Variants in SAFB2 observed in about 807,000 individuals in gnomAD.
SAFB2 encodes scaffold attachment factor B2.
Under a neutral mutation model 100.6 loss-of-function variants are expected in SAFB2, and 32 were observed. The observed-to-expected ratio is 0.32, with a 90% confidence interval of 0.24 to 0.43. The LOEUF is 0.43. Among genes scored for constraint, SAFB2 ranks in the 20% least tolerant of loss-of-function variants. SAFB2 has a pLI of 1.00. For synonymous variants in SAFB2, 500 were observed against 439.4 expected, an observed-to-expected ratio of 1.14 and a Z score of -1.72; for missense variants, 1,185 against 1,163.4, an observed-to-expected ratio of 1.02 and a Z score of -0.27.
chr19:5,613,818 C>T (rs2052963743), intron 4 of SAFB2: 1 of 781,238 alleles, frequency 1.3e-6, no homozygotes, highest in South Asian at 5.8e-5. Context: ...GTGATTACCA[C>T]ATACCCCTCC....
intron 4 of SAFB2, chr19:5,613,850 G>T: frequency 1.7e-6 from 1 of 586,708 alleles, no homozygotes. Flanking sequence ...TTCCAAAGCA[G>T]AACTCAAAAT....
At chr19:5,589,817 A>G (rs1441064747) in intron 18 of SAFB2, among the ~76,000 whole-genome samples, 1 of 152,032 alleles carries the variant, frequency 6.6e-6, no homozygotes, top group Non-Finnish European at 1.5e-5. Context: ...GGTCCTCCTA[A>G]GTGATTCTAA....
At chr19:5,589,077 G>A (rs1350443832) in intron 18 of SAFB2, 2 of 152,254 alleles carry the variant, frequency 1.3e-5, no homozygotes, top group Non-Finnish European at 2.9e-5. Context: ...CCCGAGAGGG[G>A]CCACCAGAGC....
In SAFB2 at chr19:5,590,425, G is replaced by A; in HGVS notation, c.2395-17C>T. The stretch of plus-strand genomic sequence containing the variant: ...TCCATAGTGCTGGAAGGCAGGAGAG[G>A]AACAGGGTGACACTGACCATGTCAC... On this transcript the variant is annotated splice_polypyrimidine_tract_variant and intron_variant, in intron 17 of 20. Transcript: ENST00000252542. 2.5e-6 allele frequency: 4 copies of A among 1,598,838 alleles called. No homozygotes were observed. The South Asian group carries it at 4.5e-5, about 18-fold the overall frequency.
rs1433581254 is a variant in SAFB2, at chr19:5,587,915, C to T, written c.2591G>A (p.Gly864Asp). The T allele has an allele frequency of 6.2e-7, 1 of 1,612,776 alleles. No individual in the cohort carries two copies. Among genetic ancestry groups the T allele is most frequent in the South Asian group, 1.1e-5 (1 of 90,992 alleles). The part of the protein sequence containing the change: ...LEEHQARAWQ[G>D]AMDAGAASRE... ...GCTAGCCGCGCCTGCGTCCATGGCA[C>T]CCTGCCAGGCGCGTGCCTGGTGCTC... Residue 864 changes from glycine to aspartate, a missense_variant, in exon 19 of 21, where the codon GGT becomes GAT. Coordinates refer to ENST00000252542, the MANE Select transcript of SAFB2 (RefSeq NM_014649.3). The surrounding 1 kb of genome is among the most constrained non-coding windows in gnomAD (Gnocchi z 4.9).
intron 2 of SAFB2, among the ~76,000 whole-genome samples, chr19:5,620,318 T>C (rs2053114851): frequency 6.6e-6 from 1 of 152,230 alleles, no homozygotes; most frequent in Admixed American, 6.5e-5. Flanking sequence ...TTCTACTTTC[T>C]AAGCACTGAT....
intron 18 of SAFB2, among the ~76,000 whole-genome samples, chr19:5,590,026 G>A (rs940928729): frequency 1.8e-4 from 27 of 152,158 alleles, no homozygotes; most frequent in African/African-American, 6.3e-4. Flanking sequence ...AACTGCAGGC[G>A]ACCCCCAGCT....
In SAFB2 at chr19:5,587,971, A is replaced by ACGG; in HGVS notation, c.2532_2534dup (p.Arg845dup). On this transcript the variant is annotated inframe_insertion, in exon 19 of 21. Coordinates refer to ENST00000252542, the MANE Select transcript of SAFB2 (RefSeq NM_014649.3). This position sits in a 1 kb window ranked among gnomAD's most constrained non-coding sequence, Gnocchi z 4.9. ...GCCGCTGGTTGTGCTCTCCCCAGTC[A>ACGG]CGGCCACCCCTTTGCCAAAAGAAAA... The ACGG allele has an allele frequency of 6.2e-7, 1 of 1,611,804 alleles. No individual in the cohort carries two copies. Among genetic ancestry groups the ACGG allele is most frequent in the Non-Finnish European group, 8.5e-7 (1 of 1,179,320 alleles).
chr19:5,613,456 G>A lies in SAFB2; in HGVS notation c.606+9C>T, dbSNP rs772541045. The A allele has an allele frequency of 6.2e-7, 1 of 1,610,608 alleles. No homozygotes were observed. Among genetic ancestry groups the A allele is most frequent in the Non-Finnish European group, 8.5e-7 (1 of 1,177,246 alleles). ...ATTTCCAGCGATGCAGAACCAGATG[G>A]TAACTTACCGGAGTTACTTTGAAGT... On this transcript the variant is annotated intron_variant, in intron 5 of 20. Transcript: ENST00000252542.
intron 11 of SAFB2, among the ~76,000 whole-genome samples, chr19:5,604,226 C>T (rs1483903578): frequency 6.6e-6 from 1 of 152,154 alleles, no homozygotes; most frequent in Non-Finnish European, 1.5e-5. Context: ...GCCTTGGTAA[C>T]ATGGCGAAAC....
chr19:5,616,324 T>C lies in SAFB2; in HGVS notation c.351A>G (p.Glu117=), dbSNP rs1253261888. 1 of 1,614,050 alleles carries C rather than the reference T, an allele frequency of 6.2e-7. No homozygotes were observed. Among genetic ancestry groups the C allele is most frequent in the African/African-American group, 1.3e-5 (1 of 74,922 alleles). ...TATTCTGCAGGTTCTCCAGACTTGCTTCCATGTCCTCCTGTAAAGAGGAAG... is the reference window on the plus strand; with the variant it reads ...TATTCTGCAGGTTCTCCAGACTTGCCTCCATGTCCTCCTGTAAAGAGGAAG... The part of the protein sequence containing the change: ...DDSRDGQEDM[E]ASLENLQNMG... The change falls in exon 4 of 21, where the codon GAA becomes GAG. Residue 117 remains glutamate, a synonymous_variant. Coordinates refer to ENST00000252542, the MANE Select transcript of SAFB2 (RefSeq NM_014649.3).
At chr19:5,603,129 G>C (rs1156738562) in intron 11 of SAFB2, among the ~76,000 whole-genome samples, 1 of 152,160 alleles carries the variant, frequency 6.6e-6, no homozygotes, top group Non-Finnish European at 1.5e-5. Context: ...TTACCTGGGA[G>C]TGGTAGCCCA....
rs542020298 is a variant in SAFB2, at chr19:5,616,098, T to C, written c.543+34A>G. The C allele has an allele frequency of 4.4e-6, 7 of 1,606,978 alleles. No homozygotes were observed. The South Asian group carries it at 5.5e-5, about 13-fold the overall frequency. On this transcript the variant is annotated intron_variant, in intron 4 of 20. Coordinates refer to ENST00000252542, the MANE Select transcript of SAFB2 (RefSeq NM_014649.3). The stretch of plus-strand genomic sequence containing the variant: ...GCGAGCACCAGGTGCCTCGGGGCTA[T>C]GGGCACATCCTGCCGTGTCTCCAAG...
At chr19:5,588,680 C>T (rs1438743745) in intron 18 of SAFB2, among the ~76,000 whole-genome samples, 1 of 152,022 alleles carries the variant, frequency 6.6e-6, no homozygotes, top group Non-Finnish European at 1.5e-5. Flanking sequence ...ACGGCAAATC[C>T]AGAGCCAGAA....
chr19:5,616,453 T>A lies in SAFB2; in HGVS notation c.308A>T (p.Asn103Ile). 1 of 1,614,068 alleles carries A rather than the reference T, an allele frequency of 6.2e-7. No homozygotes were observed. Among genetic ancestry groups the A allele is most frequent in the South Asian group, 1.1e-5 (1 of 91,072 alleles). ...LKMEEEGTED[N>I]GLEDDSRDGQ... is the part of the protein sequence containing the mutation. ...GTCTCTGGAATCGTCTTCCAGGCCA[T>A]TATCTTCTGTGCCTTCCTCCTCCAT... The change falls in exon 3 of 21, where the codon AAT (asparagine) becomes ATT (isoleucine). Residue 103 changes from asparagine to isoleucine, a missense_variant. Physicochemically the swap from Asn to Ile is moderately radical, Grantham distance 149 (BLOSUM62 -3). This residue lies in a region of SAFB2 where 351 missense variants were observed against 341.2 expected (regional missense o/e 1.03). Coordinates refer to ENST00000252542, the MANE Select transcript of SAFB2 (RefSeq NM_014649.3).
intron 13 of SAFB2, among the ~76,000 whole-genome samples, chr19:5,598,112 G>A (rs996146418): frequency 2.1e-5 from 3 of 143,578 alleles, no homozygotes; most frequent in African/African-American, 7.9e-5. Flanking sequence ...TCCAGCCTGA[G>A]TGACACAGCA....
Position 5,594,090 on chromosome 19 carries a change from G to A in SAFB2, c.2008C>T (p.Leu670Phe). 1.3e-6 allele frequency: 2 copies of A among 1,598,550 alleles called. No homozygotes were observed. Among genetic ancestry groups the A allele is most frequent in the Non-Finnish European group, 1.7e-6 (2 of 1,177,208 alleles). ...KARLQRERLQ[L>F]ECQRQRLERE... ...TCCAGCCGCTGGCGCTGGCACTCGA[G>A]CTGCAGGCGTTCCCGCTGTAGCCGG... Residue 670 changes from leucine to phenylalanine, a missense_variant, in exon 15 of 21, where the codon CTC becomes TTC. Around this residue, in one of 3 missense-constraint regions of SAFB2, gnomAD observed 740 missense variants for 687.1 expected, o/e 1.08. Transcript: ENST00000252542.
intron 15 of SAFB2, chr19:5,593,637 G>A (rs2052465174): frequency 4.5e-6 from 2 of 440,276 alleles, no homozygotes; most frequent in Non-Finnish European, 4.0e-6. Flanking sequence ...AAACCCTTCA[G>A]CAAGTGGCAG....
intron 1 of SAFB2, among the ~76,000 whole-genome samples, chr19:5,622,254 G>A (rs1049054960): frequency 1.1e-4 from 17 of 152,258 alleles, no homozygotes; most frequent in Admixed American, 1.1e-3. Context: ...GGAGCCCCAG[G>A]AGGGGTCCCG....
Sources: allele counts gnomAD v4.1 joint callset (sites outside exome capture counted in the v4.1 genomes callset), GRCh38; gene constraint gnomAD v4.1.1; regional missense constraint gnomAD v4.1.1; non-coding constraint Gnocchi (gnomAD v3.1); transcripts MANE v1.5; gene names NCBI Gene and HGNC (gene_info 2026-07-23, HGNC 2026-07-21).